Variants in PPP4R1 observed in about 807,000 individuals in gnomAD.
The protein encoded by PPP4R1 is protein phosphatase 4 regulatory subunit 1, also known as serine/threonine-protein phosphatase 4 regulatory subunit 1.
A neutral mutation model predicts 111.2 loss-of-function variants in PPP4R1; 42 were observed. That is an observed-to-expected ratio of 0.38 (90% CI 0.29 to 0.49). The LOEUF (loss-of-function observed/expected upper bound fraction) is 0.49, where lower values mean the gene tolerates loss of function less well. PPP4R1 is among the 20% of genes least tolerant of loss of function. The probability of loss-of-function intolerance (pLI) is 0.97; values close to 1 mark genes in which losing one functional copy is unlikely to be tolerated. For missense variants in PPP4R1, 1,012 were observed against 1,161.6 expected (o/e 0.87, Z 1.87); for synonymous variants, 409 against 405.5 (o/e 1.01, Z -0.10).
At chr18:9,551,406 A>T (rs1237210415) in intron 16 of PPP4R1, 2 of 152,394 alleles carry the variant, frequency 1.3e-5, no homozygotes, top group African/African-American at 4.8e-5. Context: ...GCCCAGGGCC[A>T]GATGGTGGCT....
intron 11 of PPP4R1, among the ~76,000 whole-genome samples, chr18:9,564,735 T>TGGGGG (rs1404643969): frequency 2.0e-4 from 8 of 40,216 alleles, no homozygotes; most frequent in African/African-American, 6.8e-4. Context: ...TGTGTGTGTG[T>TGGGGG]GTGGGGGTAT....
At chr18:9,574,039 A>C (rs981380104) in intron 10 of PPP4R1, among the ~76,000 whole-genome samples, 1 of 152,220 alleles carries the variant, frequency 6.6e-6, no homozygotes, top group Non-Finnish European at 1.5e-5. Context: ...TATAATAGTC[A>C]ATACAAAATC....
At chr18:9,556,237 A>AG (rs748121159) in intron 15 of PPP4R1, among the ~76,000 whole-genome samples, 1 of 150,224 alleles carries the variant, frequency 6.7e-6, no homozygotes, top group Admixed American at 6.6e-5. Context: ...TCTGTCCCCC[A>AG]GCTGGAGTGC....
intron 2 of PPP4R1, among the ~76,000 whole-genome samples, chr18:9,602,744 C>T (rs976402927): frequency 7.9e-4 from 118 of 150,250 alleles, no homozygotes; most frequent in African/African-American, 2.8e-3. Flanking sequence ...TCGCTTCAAA[C>T]CAGGAGAAGG....
intron 2 of PPP4R1, among the ~76,000 whole-genome samples, chr18:9,606,428 C>T (rs1238715290): frequency 1.3e-5 from 2 of 152,170 alleles, no homozygotes; most frequent in South Asian, 2.1e-4. Flanking sequence ...TCCACAAAAC[C>T]TAAACTATTT....
intron 4 of PPP4R1, 125 bp from the exon 5 acceptor site, chr18:9,588,978 C>G: frequency 2.5e-6 from 3 of 1,182,302 alleles, no homozygotes; most frequent in Non-Finnish European, 3.6e-6. Flanking sequence ...CTTGAGACAA[C>G]ATCCTTTAAT....
chr18:9,593,384 T>C (rs2067242957), intron 4 of PPP4R1, among the ~76,000 whole-genome samples: 1 of 152,148 alleles, frequency 6.6e-6, no homozygotes. Flanking sequence ...CAACATTTTT[T>C]TGCAAGTGAG....
Position 9,570,298 on chromosome 18 carries a change from C to T in PPP4R1, c.1432G>A (p.Gly478Arg), listed in dbSNP as rs765390146. The change falls in exon 11 of 20, where the codon GGA becomes AGA. Residue 478 changes from glycine (G) to arginine (R), a missense_variant. Coordinates refer to ENST00000400556, the MANE Select transcript of PPP4R1 (RefSeq NM_001042388.3). ...LDIELEQNSG[G>R]KPSPEGPEEE... ...TCTGGTCCCTCTGGGCTGGGTTTTC[C>T]CCCAGAGTTCTGTTCAAGCTCTATG... 8.7e-6 allele frequency: 14 copies of T among 1,611,980 alleles called. No homozygotes were observed. The highest frequency in any genetic ancestry group is 1.6e-4 in the Middle Eastern group (1 of 6,068).
chr18:9,614,160 C>A lies in PPP4R1; in HGVS notation c.52+66G>T, dbSNP rs1457753229. On this transcript the variant is annotated intron_variant, in intron 2 of 19. Coordinates refer to ENST00000400556, the MANE Select transcript of PPP4R1 (RefSeq NM_001042388.3). This position sits in a 1 kb window ranked among gnomAD's most constrained non-coding sequence, Gnocchi z 4.1. ...CAGCCAGGGCCCGGCCCAGGCCTCG[C>A]CGCCGCCCGCCCTCCCCGGCCGCTC... 13 of 1,262,380 alleles carry A rather than the reference C, an allele frequency of 1.0e-5. No individual in the cohort carries two copies. Among genetic ancestry groups the A allele is most frequent in the Non-Finnish European group, 1.2e-5 (12 of 988,186 alleles). The allele number at this position is 1,262,380 out of a possible 1,614,324, so 78.2% of individuals were successfully genotyped here.
chr18:9,554,159 A>AC (rs201391888), intron 15 of PPP4R1, among the ~76,000 whole-genome samples: 1,498 of 146,710 alleles, frequency 0.01, 30 homozygotes, highest in African/African-American at 0.035. Flanking sequence ...ACAGTGTCTC[A>AC]CTCTGTGGTC....
upstream of PPP4R1, among the ~76,000 whole-genome samples, chr18:9,616,025 C>A (rs1242660046): frequency 6.6e-6 from 1 of 152,146 alleles, no homozygotes. Flanking sequence ...ATTTTCTCAA[C>A]TATAAAATAA....
In PPP4R1 at chr18:9,593,868, C is replaced by G; in HGVS notation, c.195G>C (p.Met65Ile). Residue 65 changes from methionine (M) to isoleucine (I), a missense_variant, in exon 4 of 20, where the codon ATG becomes ATC. By Grantham distance (10) the Met-to-Ile change is conservative. Transcript: ENST00000400556. ...AASENIFNRQ[M>I]VARSLLDTLR... ...AGGTATCGAGCAAACTCCGGGCCAC[C>G]ATTTGTCTACACAAAAAAAACAAAA... The G allele has an allele frequency of 6.2e-7, 1 of 1,612,906 alleles. No individual in the cohort carries two copies.
At chr18:9,556,125 C>T (rs914851061) in intron 15 of PPP4R1, among the ~76,000 whole-genome samples, 1 of 150,284 alleles carries the variant, frequency 6.7e-6, no homozygotes, top group Non-Finnish European at 1.5e-5. Flanking sequence ...CCTGCCACTG[C>T]ACTCCAGCCT....
intron 16 of PPP4R1, 96 bp from the exon 17 acceptor site, chr18:9,550,494 G>A: frequency 1.5e-6 from 2 of 1,369,852 alleles, no homozygotes; most frequent in Admixed American, 2.1e-5. Flanking sequence ...CTGGATTACT[G>A]AGCACCTGTC....
Position 9,570,231 on chromosome 18 carries a change from G to A in PPP4R1, c.1499C>T (p.Thr500Ile), listed in dbSNP as rs1048609996. The change falls in exon 11 of 20, where the codon ACC (threonine) becomes ATC (isoleucine). Residue 500 changes from threonine (T) to isoleucine (I), a missense_variant. By Grantham distance (89) the Thr-to-Ile change is moderately conservative. Coordinates refer to ENST00000400556, the MANE Select transcript of PPP4R1 (RefSeq NM_001042388.3). Reference protein sequence around the residue: ...EGPVPSSPNITMATRKELEEM... With the variant: ...EGPVPSSPNIIMATRKELEEM... ...TTCCAGTTCCTTTCTGGTGGCCATG[G>A]TGATGTTTGGAGAACTGGGCACAGG... 2.7e-5 allele frequency: 43 copies of A among 1,585,166 alleles called. No individual in the cohort carries two copies. Among genetic ancestry groups the A allele is most frequent in the Non-Finnish European group, 3.6e-5 (42 of 1,169,638 alleles).
At chr18:9,604,383 C>T (rs2145322686) in intron 2 of PPP4R1, among the ~76,000 whole-genome samples, 1 of 152,260 alleles carries the variant, frequency 6.6e-6, no homozygotes, top group Non-Finnish European at 1.5e-5. Context: ...CCATTCCACC[C>T]CCTGATAAGC....
At chr18:9,573,818 G>A (rs752266570) in intron 10 of PPP4R1, among the ~76,000 whole-genome samples, 15 of 151,956 alleles carry the variant, frequency 9.9e-5, no homozygotes, top group African/African-American at 2.2e-4. Context: ...AAAAATGAAC[G>A]GAGAATGACT....
intron 6 of PPP4R1, among the ~76,000 whole-genome samples, chr18:9,586,673 A>G (rs1291399863): frequency 6.6e-6 from 1 of 152,194 alleles, no homozygotes; most frequent in African/African-American, 2.4e-5. Flanking sequence ...CAGAAGCACT[A>G]AATATAGTGT....
chr18:9,573,278 G>A (rs2066888994), intron 10 of PPP4R1, among the ~76,000 whole-genome samples: 1 of 152,056 alleles, frequency 6.6e-6, no homozygotes, highest in African/African-American at 2.4e-5. Flanking sequence ...TTGGTAACTG[G>A]ACTACAGTTA....
Sources: allele counts gnomAD v4.1 joint callset (sites outside exome capture counted in the v4.1 genomes callset), GRCh38; gene constraint gnomAD v4.1.1; non-coding constraint Gnocchi (gnomAD v3.1); transcripts MANE v1.5; gene names NCBI Gene and HGNC (gene_info 2026-07-23, HGNC 2026-07-21).